CHRM3: variants seen among roughly 807,000 people sequenced by gnomAD.
CHRM3 encodes the protein cholinergic receptor muscarinic 3.
Under a neutral mutation model 41.8 loss-of-function variants are expected in CHRM3, and 11 were observed. The ratio of observed to expected loss-of-function variants is 0.26; its 90% CI spans 0.17 to 0.44. CHRM3 has a LOEUF of 0.44. Ranked by LOEUF, CHRM3 falls within the 20% of genes least tolerant of loss-of-function variation. CHRM3 has a pLI of 1.00. For missense variants in CHRM3, 571 were observed against 745.4 expected (o/e 0.77, Z 2.72); for synonymous variants, 297 against 301.4 (o/e 0.99, Z 0.15).
At chr1:239,425,079 C>T (rs1023913553) in intron 1 of CHRM3, among the ~76,000 whole-genome samples, 3 of 152,098 alleles carry the variant, frequency 2.0e-5, no homozygotes, top group African/African-American at 7.2e-5. Flanking sequence ...AGTGTAGTGA[C>T]AGAAACAGAG....
chr1:239,822,599 C>G (rs1409898301), intron 5 of CHRM3, among the ~76,000 whole-genome samples: 1 of 152,040 alleles, frequency 6.6e-6, no homozygotes, highest in Non-Finnish European at 1.5e-5. Flanking sequence ...AGACTGAGCC[C>G]CAGATCTCAA....
chr1:239,580,704 T>TACACAC (rs1553332738), intron 3 of CHRM3, among the ~76,000 whole-genome samples: 2 of 131,070 alleles, frequency 1.5e-5, no homozygotes, highest in African/African-American at 5.7e-5. Context: ...TATATATATA[T>TACACAC]ACACACACAC....
chr1:239,403,322 T>C (rs571739844), intron 1 of CHRM3, among the ~76,000 whole-genome samples: 11 of 152,236 alleles, frequency 7.2e-5, no homozygotes, highest in Non-Finnish European at 1.6e-4. Flanking sequence ...TAATAGACTT[T>C]CATTAAGTAT....
chr1:239,463,354 G>T (rs10802769), intron 1 of CHRM3, among the ~76,000 whole-genome samples: 2 of 151,820 alleles, frequency 1.3e-5, no homozygotes, highest in Non-Finnish European at 1.5e-5. Flanking sequence ...TGACAATATT[G>T]CATCCTCATT....
At chr1:239,396,070 C>G (rs573665532) in intron 1 of CHRM3, among the ~76,000 whole-genome samples, 2 of 152,162 alleles carry the variant, frequency 1.3e-5, no homozygotes, top group Non-Finnish European at 2.9e-5. Flanking sequence ...GCATAGGATG[C>G]CCTTTGTGCC....
At chr1:239,561,281 C>T (rs1660833136) in intron 3 of CHRM3, among the ~76,000 whole-genome samples, 1 of 152,144 alleles carries the variant, frequency 6.6e-6, no homozygotes, top group African/African-American at 2.4e-5. Flanking sequence ...TTTCAAAATA[C>T]CTTAATAAAA....
At chr1:239,708,277 CT>C (rs1479565142) in intron 5 of CHRM3, among the ~76,000 whole-genome samples, 2 of 152,186 alleles carry the variant, frequency 1.3e-5, no homozygotes, top group Admixed American at 6.5e-5. Context: ...TTCATCAGTG[CT>C]CATCAGCTGT....
chr1:239,676,182 A>G (rs952098381), intron 4 of CHRM3, among the ~76,000 whole-genome samples: 1 of 152,182 alleles, frequency 6.6e-6, no homozygotes, highest in African/African-American at 2.4e-5. Context: ...CAAAGTTACT[A>G]AAGTACTAAG....
At position 239,449,958 on chromosome 1, in the gene CHRM3, T is replaced by C. The variant is rs995179965; in HGVS notation, c.-520-42751T>C. On this transcript the variant is annotated intron_variant, in intron 1 of 6. Coordinates refer to ENST00000676153, the MANE Select transcript of CHRM3 (RefSeq NM_001375978.1). ...TATGTTGTCTTAATTTAGAATTGTC[T>C]GGGTGCCCTGGACCAGCTAACAATA... is the stretch of plus-strand genomic sequence containing the variant. 3.9e-5 allele frequency among the ~76,000 whole-genome samples: 6 copies of C among 152,312 alleles called. No individual in the cohort carries two copies. In the East Asian group the frequency reaches 1.2e-3, roughly 29 times the overall value.
At chr1:239,554,061 T>G (rs986044479) in intron 3 of CHRM3, among the ~76,000 whole-genome samples, 3 of 152,150 alleles carry the variant, frequency 2.0e-5, no homozygotes, top group African/African-American at 7.2e-5. Flanking sequence ...GGCTAATTTT[T>G]TTATTTGTAG....
At chr1:239,388,857 A>G (rs1658771434) in intron 1 of CHRM3, among the ~76,000 whole-genome samples, 1 of 152,302 alleles carries the variant, frequency 6.6e-6, no homozygotes, top group Non-Finnish European at 1.5e-5. Context: ...TTTTGTTTAC[A>G]TGGTTTGTCT....
intron 5 of CHRM3, among the ~76,000 whole-genome samples, chr1:239,814,120 A>T (rs1478832935): frequency 6.6e-6 from 1 of 152,168 alleles, no homozygotes. Flanking sequence ...TTTAAGTCTA[A>T]ATTTAAACAA....
chr1:239,603,214 G>A (rs1381317002), intron 3 of CHRM3, among the ~76,000 whole-genome samples: 6 of 152,036 alleles, frequency 3.9e-5, no homozygotes, highest in African/African-American at 9.7e-5. Flanking sequence ...AATAGGTTTT[G>A]TTTTTTGTAA....
chr1:239,438,275 G>A (rs551652232), intron 1 of CHRM3, among the ~76,000 whole-genome samples: 83 of 152,130 alleles, frequency 5.5e-4, no homozygotes, highest in African/African-American at 1.9e-3. Flanking sequence ...GATGTAAAAC[G>A]TACATCTTAT....
At chr1:239,670,771 A>ACG (rs150513484) in intron 4 of CHRM3, among the ~76,000 whole-genome samples, 1 of 150,318 alleles carries the variant, frequency 6.7e-6, no homozygotes, top group Non-Finnish European at 1.5e-5. Context: ...CAGGTGATCT[A>ACG]CCCCCCCCAC....
chr1:239,435,651 TAAAA>T (rs1169451223), intron 1 of CHRM3, among the ~76,000 whole-genome samples: 1 of 151,720 alleles, frequency 6.6e-6, no homozygotes, highest in Non-Finnish European at 1.5e-5. Flanking sequence ...TGTCCATACT[TAAAA>T]AAAAGTGTGC....
chr1:239,538,638 G>C (rs1342504235), intron 2 of CHRM3, among the ~76,000 whole-genome samples: 1 of 152,108 alleles, frequency 6.6e-6, no homozygotes, highest in Non-Finnish European at 1.5e-5. Flanking sequence ...CATTAAAAAA[G>C]TCATTGGAAC....
rs1446029517 is a variant in CHRM3 at position 239,681,448 on chromosome 1, A to G, written c.-147+3160A>G. ...ATCCCTGGTGCATGGCACAATCACT[A>G]TTTTATCCTGTCTTCAACATGAAAC... On this transcript the variant is annotated intron_variant, in intron 5 of 6. Coordinates refer to ENST00000676153, the MANE Select transcript of CHRM3 (RefSeq NM_001375978.1). Among the ~76,000 whole-genome samples the G allele has an allele frequency of 2.6e-5, 4 of 152,256 alleles. No individual in the cohort carries two copies. The East Asian group carries it at 7.7e-4, about 29-fold the overall frequency.
intron 6 of CHRM3, among the ~76,000 whole-genome samples, chr1:239,900,248 T>C (rs1368690308): frequency 6.7e-6 from 1 of 149,344 alleles, no homozygotes; most frequent in African/African-American, 2.5e-5. Context: ...CCCGGGGTTA[T>C]CACTGCTTCA....
Sources: gnomAD v4.1 joint callset for allele counts (sites outside exome capture counted in the v4.1 genomes callset) on GRCh38, gnomAD v4.1.1 for gene constraint, MANE v1.5 for transcripts, NCBI Gene and HGNC (gene_info 2026-07-23, HGNC 2026-07-21) for gene names.